Variants in UBAC2 observed in about 807,000 individuals in gnomAD.
UBAC2 encodes the protein UBA domain containing 2.
UBAC2 carries 26 observed loss-of-function variants against 44.0 expected under a neutral mutation model. The observed-to-expected ratio is 0.59, with a 90% CI of 0.43 to 0.82. UBAC2 has a LOEUF of 0.82. Among genes scored for constraint, UBAC2 ranks in the 40% least tolerant of loss-of-function variants. UBAC2 has a pLI of 0.00. For missense variants in UBAC2, 329 were observed against 419.4 expected (o/e 0.78, Z 1.88); for synonymous variants, 155 against 154.3 (o/e 1.00, Z -0.04).
At chr13:99,254,101 G>A (rs2043497566) in intron 4 of UBAC2, among the ~76,000 whole-genome samples, 1 of 151,766 alleles carries the variant, frequency 6.6e-6, no homozygotes, top group African/African-American at 2.4e-5. Context: ...TATGGCCTGG[G>A]AAAAAAAATC....
intron 8 of UBAC2, among the ~76,000 whole-genome samples, chr13:99,376,051 A>G (rs962545537): frequency 3.3e-5 from 5 of 150,284 alleles, no homozygotes; most frequent in East Asian, 3.9e-4. Flanking sequence ...TTGAGGTAGT[A>G]GGCACACACA....
At chr13:99,231,027 G>A (rs945404362) in intron 1 of UBAC2, among the ~76,000 whole-genome samples, 3 of 151,676 alleles carry the variant, frequency 2.0e-5, no homozygotes, top group Non-Finnish European at 2.9e-5. Context: ...CAGCCTGGGC[G>A]ACAGAGGGAG....
At chr13:99,350,588 GCC>G (rs1031544854) in intron 7 of UBAC2, among the ~76,000 whole-genome samples, 3 of 152,252 alleles carry the variant, frequency 2.0e-5, no homozygotes, top group Non-Finnish European at 4.4e-5. Context: ...CAGGGGCCAT[GCC>G]CCATGCCTTG....
At chr13:99,317,222 T>G (rs939013914) in intron 5 of UBAC2, among the ~76,000 whole-genome samples, 2 of 152,244 alleles carry the variant, frequency 1.3e-5, no homozygotes, top group African/African-American at 4.8e-5. Context: ...GAACCTGGGC[T>G]GTCCTGCCTG....
chr13:99,340,307 G>T lies in UBAC2; in HGVS notation c.562-13G>T, dbSNP rs368675351. The T allele has an allele frequency of 6.2e-7, 1 of 1,611,950 alleles. No homozygotes were observed. Among genetic ancestry groups the T allele is most frequent in the Non-Finnish European group, 8.5e-7 (1 of 1,178,572 alleles). The stretch of plus-strand genomic sequence containing the variant: ...CTACATTTAAACAATCACATTGGAC[G>T]TTTTTCTTCTAGATGTCCGGTCTGT... On this transcript the variant is annotated splice_polypyrimidine_tract_variant and intron_variant, in intron 6 of 8. Coordinates refer to ENST00000403766, the MANE Select transcript of UBAC2 (RefSeq NM_001144072.2).
chr13:99,253,942 G>A lies in UBAC2; in HGVS notation c.389+9318G>A, dbSNP rs1315869948. Reference sequence around the variant, plus strand: ...TGAATCATTTATTTTACTTCCATAAGTATTCAGGATAATAGGGGCTTTACA... The same window carrying A: ...TGAATCATTTATTTTACTTCCATAAATATTCAGGATAATAGGGGCTTTACA... On this transcript the variant is annotated intron_variant, in intron 4 of 8. Coordinates refer to ENST00000403766, the MANE Select transcript of UBAC2 (RefSeq NM_001144072.2). 3.9e-5 allele frequency among the ~76,000 whole-genome samples: 6 copies of A among 152,304 alleles called. No homozygotes were observed. In the East Asian group the frequency reaches 7.7e-4, roughly 20 times the overall value.
At chr13:99,367,227 C>T (rs2045343045) in intron 7 of UBAC2, among the ~76,000 whole-genome samples, 1 of 152,226 alleles carries the variant, frequency 6.6e-6, no homozygotes, top group Non-Finnish European at 1.5e-5. Context: ...TTTCCCTTCA[C>T]ACTCTCTAGC....
At chr13:99,205,450 T>C (rs1487066351) in intron 1 of UBAC2, among the ~76,000 whole-genome samples, 1 of 152,194 alleles carries the variant, frequency 6.6e-6, no homozygotes, top group East Asian at 1.9e-4. Flanking sequence ...AAAAAATCAA[T>C]CACGGTGTTT....
At chr13:99,266,088 C>T (rs918614431) in intron 4 of UBAC2, among the ~76,000 whole-genome samples, 2 of 151,992 alleles carry the variant, frequency 1.3e-5, no homozygotes, top group Non-Finnish European at 2.9e-5. Context: ...GGTCTTGGAG[C>T]TCTTCACCTT....
intron 1 of UBAC2, among the ~76,000 whole-genome samples, chr13:99,203,117 A>C (rs1164798625): frequency 6.6e-6 from 1 of 151,462 alleles, no homozygotes; most frequent in Non-Finnish European, 1.5e-5. Context: ...GCTCACTGCA[A>C]CCTCCGCCTC....
At chr13:99,256,235 T>C (rs2043554130) in intron 4 of UBAC2, 1 of 164,472 alleles carries the variant, frequency 6.1e-6, no homozygotes, top group Non-Finnish European at 1.3e-5. Flanking sequence ...AACTCTAGTT[T>C]GTAATTCTCT....
At chr13:99,284,168 T>G (rs1443822084) in intron 4 of UBAC2, among the ~76,000 whole-genome samples, 1 of 152,268 alleles carries the variant, frequency 6.6e-6, no homozygotes, top group African/African-American at 2.4e-5. Context: ...AGACAACTTA[T>G]ATGATTGTAT....
At chr13:99,221,618 G>C (rs193118649) in intron 1 of UBAC2, among the ~76,000 whole-genome samples, 12 of 152,156 alleles carry the variant, frequency 7.9e-5, no homozygotes, top group Admixed American at 7.9e-4. Context: ...TCCTCCCATG[G>C]GGCTTCTTTT....
chr13:99,227,436 T>C (rs529340704), intron 1 of UBAC2, among the ~76,000 whole-genome samples: 1 of 152,162 alleles, frequency 6.6e-6, no homozygotes, highest in Non-Finnish European at 1.5e-5. Context: ...AATGATTCCC[T>C]GGCTCTTAAA....
At chr13:99,347,976 A>G (rs1416294703) in intron 7 of UBAC2, among the ~76,000 whole-genome samples, 1 of 152,010 alleles carries the variant, frequency 6.6e-6, no homozygotes, top group Non-Finnish European at 1.5e-5. Context: ...CTGGACACAC[A>G]TAAGCTGCTC....
intron 7 of UBAC2, among the ~76,000 whole-genome samples, chr13:99,366,421 G>T (rs1476249567): frequency 6.6e-6 from 1 of 152,162 alleles, no homozygotes; most frequent in Admixed American, 6.5e-5. Context: ...TCTCTCCAGA[G>T]TAATTTTACA....
intron 8 of UBAC2, among the ~76,000 whole-genome samples, chr13:99,384,200 ACT>A (rs542092947): frequency 1.8e-4 from 28 of 152,098 alleles, no homozygotes; most frequent in African/African-American, 6.0e-4. Context: ...AAAATTGGAA[ACT>A]CTGACTAAGT....
Position 99,385,403 on chromosome 13 carries a change from C to G in UBAC2, c.*68C>G. ...CAGTGCGTGGTCCCCACCATCAGAT[C>G]AGCCCGGGGACCGAGCATCTCTGGT... On this transcript the variant is annotated 3_prime_UTR_variant, in exon 9 of 9. Coordinates refer to ENST00000403766, the MANE Select transcript of UBAC2 (RefSeq NM_001144072.2). The G allele has an allele frequency of 7.7e-7, 1 of 1,301,836 alleles. No individual in the cohort carries two copies. The highest frequency in any genetic ancestry group is 1.1e-6 in the Non-Finnish European group (1 of 904,006). 80.6% of individuals were successfully genotyped at this position (1,301,836 alleles called of 1,614,324 possible). A position where few individuals can be genotyped will look rare whatever the true frequency, so the allele number is the denominator to read the frequency against.
chr13:99,343,484 G>A (rs2044925317), intron 7 of UBAC2, among the ~76,000 whole-genome samples: 1 of 152,200 alleles, frequency 6.6e-6, no homozygotes, highest in Non-Finnish European at 1.5e-5. Context: ...CCCACCAGGC[G>A]CCTGTGAAGT....
Sources: gnomAD v4.1 joint callset for allele counts (sites outside exome capture counted in the v4.1 genomes callset) on GRCh38, gnomAD v4.1.1 for gene constraint, MANE v1.5 for transcripts, NCBI Gene and HGNC (gene_info 2026-07-23, HGNC 2026-07-21) for gene names.